EPB41L4B: variants seen among roughly 807,000 people sequenced by gnomAD.
EPB41L4B encodes band 4.1-like protein 4B.
A neutral mutation model predicts 112.5 loss-of-function variants in EPB41L4B; 30 were observed. That is an observed-to-expected ratio of 0.27 (90% CI 0.20 to 0.36). The LOEUF is 0.36. Among genes scored for constraint, EPB41L4B ranks in the 10% least tolerant of loss-of-function variants. The probability of loss-of-function intolerance (pLI) is 1.00; values close to 1 mark genes in which losing one functional copy is unlikely to be tolerated. For missense variants in EPB41L4B, 1,024 were observed against 1,133.3 expected (o/e 0.90, Z 1.38); for synonymous variants, 408 against 439.7 (o/e 0.93, Z 0.90).
chr9:109,222,869 G>A (rs1045553187), intron 15 of EPB41L4B, among the ~76,000 whole-genome samples: 1 of 152,178 alleles, frequency 6.6e-6, no homozygotes, highest in African/African-American at 2.4e-5. Flanking sequence ...GGAGTAATGT[G>A]CCCTGTTAGT....
At chr9:109,286,893 A>G (rs1588211026) in intron 1 of EPB41L4B, among the ~76,000 whole-genome samples, 1 of 152,140 alleles carries the variant, frequency 6.6e-6, no homozygotes, top group Non-Finnish European at 1.5e-5. Flanking sequence ...CTCCTTCCAG[A>G]CTTGTATGGT....
intron 15 of EPB41L4B, among the ~76,000 whole-genome samples, chr9:109,221,488 G>A (rs1833571834): frequency 2.0e-5 from 3 of 152,052 alleles, no homozygotes; most frequent in Admixed American, 1.3e-4. Context: ...CTTCTTCCTT[G>A]CTGCCGCCAG....
At chr9:109,191,621 C>A (rs1009473388) in intron 22 of EPB41L4B, among the ~76,000 whole-genome samples, 1 of 152,210 alleles carries the variant, frequency 6.6e-6, no homozygotes, top group African/African-American at 2.4e-5. Flanking sequence ...AAAGAAAAGA[C>A]CATTTAAATC....
At chr9:109,240,961 A>G (rs1441235652) in intron 15 of EPB41L4B, 2 of 985,356 alleles carry the variant, frequency 2.0e-6, no homozygotes, top group Non-Finnish European at 2.4e-6. Context: ...AATTCAAAGT[A>G]GCTCAACTGC....
intron 19 of EPB41L4B, among the ~76,000 whole-genome samples, chr9:109,201,449 C>CAAAAAAAAAAA (rs563680101): frequency 4.2e-4 from 25 of 59,356 alleles, no homozygotes; most frequent in Non-Finnish European, 6.7e-4. Context: ...GACCCTGTCT[C>CAAAAAAAAAAA]AAAAAAAAAA....
At chr9:109,299,462 A>G (rs1215881535) in intron 1 of EPB41L4B, among the ~76,000 whole-genome samples, 1 of 151,826 alleles carries the variant, frequency 6.6e-6, no homozygotes. Flanking sequence ...CTTTATGTTG[A>G]GATGGTGGGG....
At chr9:109,288,724 A>C (rs1257302520) in intron 1 of EPB41L4B, among the ~76,000 whole-genome samples, 1 of 89,818 alleles carries the variant, frequency 1.1e-5, no homozygotes, top group African/African-American at 3.8e-5. Context: ...CTCCGTCTCA[A>C]AAAAAAAAAA....
intron 15 of EPB41L4B, among the ~76,000 whole-genome samples, chr9:109,218,918 T>C (rs1422347244): frequency 6.6e-6 from 1 of 152,202 alleles, no homozygotes; most frequent in Non-Finnish European, 1.5e-5. Context: ...TTCAAGGAAC[T>C]CACACTCCAG....
intron 15 of EPB41L4B, among the ~76,000 whole-genome samples, chr9:109,231,074 G>A (rs1339701207): frequency 6.6e-6 from 1 of 151,122 alleles, no homozygotes; most frequent in Non-Finnish European, 1.5e-5. Flanking sequence ...TGGGAGAAAT[G>A]CTTGAATCTG....
intron 1 of EPB41L4B, among the ~76,000 whole-genome samples, chr9:109,287,255 T>G (rs1163958893): frequency 1.3e-5 from 2 of 152,220 alleles, no homozygotes; most frequent in Admixed American, 6.5e-5. Context: ...GGGAGACTGC[T>G]GGACAGCTGA....
At chr9:109,293,226 T>C (rs538854876) in intron 1 of EPB41L4B, among the ~76,000 whole-genome samples, 2 of 152,340 alleles carry the variant, frequency 1.3e-5, no homozygotes, top group South Asian at 4.1e-4. Flanking sequence ...ATACAGTGTG[T>C]ATGCATGGTA....
At chr9:109,262,456 T>G (rs925436168) in intron 6 of EPB41L4B, among the ~76,000 whole-genome samples, 4 of 151,106 alleles carry the variant, frequency 2.6e-5, no homozygotes, top group Non-Finnish European at 5.9e-5. Flanking sequence ...TGTGGGGGTG[T>G]GTGTGTGTGT....
At chr9:109,271,226 T>C (rs1835604496) in intron 2 of EPB41L4B, among the ~76,000 whole-genome samples, 2 of 152,204 alleles carry the variant, frequency 1.3e-5, no homozygotes. Context: ...CCTTCAGCCA[T>C]TGTGGGCTGG....
intron 25 of EPB41L4B, among the ~76,000 whole-genome samples, chr9:109,176,077 CACACACACACACTCAT>C (rs1831824957): frequency 6.7e-6 from 1 of 149,570 alleles, no homozygotes; most frequent in African/African-American, 2.5e-5. Context: ...CACACACACA[CACACACACACACTCAT>C]TTGTTGTCTA....
intron 18 of EPB41L4B, among the ~76,000 whole-genome samples, chr9:109,206,091 C>G (rs899828103): frequency 6.6e-6 from 1 of 152,058 alleles, no homozygotes; most frequent in Non-Finnish European, 1.5e-5. Flanking sequence ...TTTACTTTAC[C>G]CTTGGCAACA....
chr9:109,268,468 T>A, intron 2 of EPB41L4B, 35 bp from the exon 3 acceptor site: 3 of 1,590,844 alleles, frequency 1.9e-6, no homozygotes, highest in Non-Finnish European at 2.6e-6. Context: ...TTAGGAATAG[T>A]TCATCAGCAA....
At chr9:109,176,807 C>A (rs1476255475) in intron 24 of EPB41L4B, 111 bp from the exon 25 acceptor site, 1 of 1,223,682 alleles carries the variant, frequency 8.2e-7, no homozygotes, top group African/African-American at 1.5e-5. Context: ...TCACTACCAG[C>A]TAAAATCGAT....
chr9:109,191,967 G>A (rs1401347965), intron 22 of EPB41L4B, among the ~76,000 whole-genome samples: 1 of 152,156 alleles, frequency 6.6e-6, no homozygotes, highest in Non-Finnish European at 1.5e-5. Context: ...CATGCAGGGC[G>A]CAGTCCAGGA....
chr9:109,312,612 C>T (rs1837459098), intron 1 of EPB41L4B, among the ~76,000 whole-genome samples: 1 of 152,114 alleles, frequency 6.6e-6, no homozygotes, highest in African/African-American at 2.4e-5. Flanking sequence ...AGTTTCTTAA[C>T]CTGTCTGCTA....
Sources: allele counts gnomAD v4.1 joint callset (sites outside exome capture counted in the v4.1 genomes callset), GRCh38; gene constraint gnomAD v4.1.1; transcripts MANE v1.5; gene names NCBI Gene and HGNC (gene_info 2026-07-23, HGNC 2026-07-21).